AEBP2: variants seen among roughly 807,000 people sequenced by gnomAD.
The protein encoded by AEBP2 is AE binding protein 2, also known as zinc finger protein AEBP2.
Under a neutral mutation model 50.8 loss-of-function variants are expected in AEBP2, and 10 were observed. The ratio of observed to expected loss-of-function variants is 0.20; its 90% CI spans 0.12 to 0.33. The LOEUF (loss-of-function observed/expected upper bound fraction) is 0.33, where lower values mean the gene tolerates loss of function less well. Ranked by LOEUF, AEBP2 falls within the 10% of genes least tolerant of loss-of-function variation. AEBP2 has a pLI of 1.00. For synonymous variants in AEBP2, 296 were observed against 261.3 expected (o/e 1.13, Z -1.28); for missense variants, 570 against 688.0 (o/e 0.83, Z 1.92).
intron 3 of AEBP2, among the ~76,000 whole-genome samples, chr12:19,488,742 C>A (rs1402698360): frequency 6.6e-6 from 1 of 152,008 alleles, no homozygotes; most frequent in African/African-American, 2.4e-5. Context: ...AAAGAAAAAA[C>A]CAGTTCAGTA....
chr12:19,442,260 T>G (rs1327593154), intron 1 of AEBP2, among the ~76,000 whole-genome samples: 3 of 152,014 alleles, frequency 2.0e-5, no homozygotes. Context: ...ATACAAAAAT[T>G]ACCCGAGAGT....
chr12:19,482,839 T>C (rs1948750213), intron 3 of AEBP2, among the ~76,000 whole-genome samples: 2 of 152,144 alleles, frequency 1.3e-5, no homozygotes, highest in South Asian at 2.1e-4. Flanking sequence ...CTGCCTCTGC[T>C]GTGTCATATA....
chr12:19,491,897 G>A (rs1948898771), intron 3 of AEBP2, among the ~76,000 whole-genome samples: 1 of 152,216 alleles, frequency 6.6e-6, no homozygotes, highest in Non-Finnish European at 1.5e-5. Flanking sequence ...CCTCAAGGGA[G>A]AATTAGCTCT....
At chr12:19,456,401 A>G in intron 1 of AEBP2, 4 of 1,379,632 alleles carry the variant, frequency 2.9e-6, no homozygotes, top group Non-Finnish European at 4.1e-6. Context: ...AGCACTCAAC[A>G]CACACGGGCT....
At chr12:19,457,381 T>C in intron 1 of AEBP2, 2 of 1,439,320 alleles carry the variant, frequency 1.4e-6, no homozygotes, top group Admixed American at 1.7e-5. Context: ...AGGGCATCAA[T>C]GATAGTCACG....
intron 3 of AEBP2, among the ~76,000 whole-genome samples, chr12:19,493,552 T>C (rs925647941): frequency 6.6e-6 from 1 of 152,190 alleles, no homozygotes; most frequent in Non-Finnish European, 1.5e-5. Flanking sequence ...TTGCATATAG[T>C]GGAAATAGCA....
At chr12:19,409,157 T>A (rs1449499921) in intron 1 of AEBP2, among the ~76,000 whole-genome samples, 1 of 152,124 alleles carries the variant, frequency 6.6e-6, no homozygotes, top group Non-Finnish European at 1.5e-5. Context: ...ATTAGTTTAT[T>A]TAATTTTGCA....
At chr12:19,407,977 G>A (rs11044533) in intron 1 of AEBP2, among the ~76,000 whole-genome samples, 3,395 of 151,916 alleles carry the variant, frequency 0.022, 46 homozygotes, top group East Asian at 0.044. Flanking sequence ...CTTGAACCCC[G>A]GAGGCGGAGG....
intron 4 of AEBP2, among the ~76,000 whole-genome samples, chr12:19,494,809 G>A (rs1268531330): frequency 6.6e-6 from 1 of 152,164 alleles, no homozygotes; most frequent in East Asian, 1.9e-4. Flanking sequence ...TAGATGATAA[G>A]GCTTGTAAAT....
At chr12:19,449,265 C>A (rs147776070) in intron 1 of AEBP2, among the ~76,000 whole-genome samples, 116 of 152,050 alleles carry the variant, frequency 7.6e-4, no homozygotes, top group African/African-American at 2.7e-3. Context: ...TAGTGGATTT[C>A]TTTTTTTAAA....
intron 1 of AEBP2, among the ~76,000 whole-genome samples, chr12:19,458,238 G>T (rs1276041344): frequency 1.3e-5 from 2 of 152,224 alleles, no homozygotes; most frequent in Non-Finnish European, 2.9e-5. Context: ...GCCTTCATCA[G>T]TCGAGAGAAT....
intron 1 of AEBP2, chr12:19,456,831 T>C (rs1174180484): frequency 6.5e-7 from 1 of 1,544,694 alleles, no homozygotes; most frequent in Admixed American, 1.7e-5. Flanking sequence ...AACACCAGTC[T>C]CCACTCGGCC....
intron 5 of AEBP2, among the ~76,000 whole-genome samples, chr12:19,504,652 A>G (rs1426693204): frequency 1.3e-5 from 2 of 152,138 alleles, no homozygotes; most frequent in African/African-American, 4.8e-5. Flanking sequence ...GTGATACTAC[A>G]GGGAAGATAG....
chr12:19,452,672 G>A (rs142506140), intron 1 of AEBP2, among the ~76,000 whole-genome samples: 1 of 152,120 alleles, frequency 6.6e-6, no homozygotes, highest in Non-Finnish European at 1.5e-5. Flanking sequence ...TTTACTCTTA[G>A]AGTTGTGCAT....
chr12:19,404,930 CTTT>C (rs34351225), intron 1 of AEBP2, among the ~76,000 whole-genome samples: 1 of 95,708 alleles, frequency 1.0e-5, no homozygotes, highest in Non-Finnish European at 2.0e-5. Flanking sequence ...CTTGGCTACT[CTTT>C]TTTTTTTTTT....
intron 5 of AEBP2, among the ~76,000 whole-genome samples, chr12:19,505,596 G>A (rs898937192): frequency 2.6e-5 from 4 of 152,248 alleles, no homozygotes; most frequent in Non-Finnish European, 5.9e-5. Context: ...TGGGACAACA[G>A]TGAGTAGGCA....
rs572516981 is a variant in AEBP2, at chr12:19,422,249, TTAAAA to T, written c.-17+18036_-17+18040del. On this transcript the variant is annotated intron_variant, in intron 1 of 3. Transcript: ENST00000538425. ...TATATTGCCTTTGTTATAATTTACT[TTAAAA>T]TACCTACTTATAAACACTGTAATGT... 2.8e-3 allele frequency among the ~76,000 whole-genome samples: 423 copies of T among 152,302 alleles called. 1 individual carries two copies. The highest frequency in any genetic ancestry group is 5.2e-3 in the Non-Finnish European group (351 of 68,034).
At chr12:19,427,308 A>G (rs2095749050) in intron 1 of AEBP2, among the ~76,000 whole-genome samples, 1 of 142,430 alleles carries the variant, frequency 7.0e-6, no homozygotes, top group Non-Finnish European at 1.5e-5. Context: ...TGAACCCGGG[A>G]GGCAGAGGTT....
intron 1 of AEBP2, among the ~76,000 whole-genome samples, chr12:19,409,017 A>G (rs2095737850): frequency 6.6e-6 from 1 of 152,060 alleles, no homozygotes; most frequent in Non-Finnish European, 1.5e-5. Flanking sequence ...AAGCAAACAC[A>G]TATCTATCTT....
Sources: gnomAD v4.1 joint callset for allele counts (sites outside exome capture counted in the v4.1 genomes callset) on GRCh38, gnomAD v4.1.1 for gene constraint, MANE v1.5 for transcripts, NCBI Gene and HGNC (gene_info 2026-07-23, HGNC 2026-07-21) for gene names.